Variants in NRG1 observed in about 807,000 individuals in gnomAD.
NRG1 encodes the protein pro-neuregulin-1, membrane-bound isoform.
In NRG1, 18 loss-of-function variants were observed where a neutral mutation model predicts 63.8. The ratio of observed to expected loss-of-function variants is 0.28; its 90% confidence interval spans 0.19 to 0.42. NRG1 has a LOEUF of 0.42. Among genes scored for constraint, NRG1 ranks in the 10% least tolerant of loss-of-function variants. The probability of loss-of-function intolerance (pLI) is 1.00; values close to 1 mark genes in which losing one functional copy is unlikely to be tolerated. For synonymous variants in NRG1, 302 were observed against 301.3 expected, an observed-to-expected ratio of 1.00 and a Z score of -0.02; for missense variants, 762 against 814.7, an observed-to-expected ratio of 0.94 and a Z score of 0.79.
At chr8:31,787,360 A>T (rs185541031) in intron 1 of NRG1, among the ~76,000 whole-genome samples, 16 of 152,254 alleles carry the variant, frequency 1.1e-4, no homozygotes, top group Non-Finnish European at 2.1e-4. Context: ...GATAGCAGGG[A>T]TTTAAATAAT....
upstream of NRG1, among the ~76,000 whole-genome samples, chr8:32,546,782 G>C (rs1833114069): frequency 6.6e-6 from 1 of 152,126 alleles, no homozygotes; most frequent in South Asian, 2.1e-4. Flanking sequence ...ACAGAGTTTC[G>C]TTCTTATGAC....
intron 1 of NRG1, among the ~76,000 whole-genome samples, chr8:32,282,528 A>G (rs1400613943): frequency 1.3e-5 from 2 of 152,138 alleles, no homozygotes; most frequent in Non-Finnish European, 2.9e-5. Flanking sequence ...AATTTTCTCT[A>G]ATTGCTTCCA....
intron 1 of NRG1, among the ~76,000 whole-genome samples, chr8:31,843,797 C>T (rs1586761875): frequency 6.6e-6 from 1 of 152,134 alleles, no homozygotes; most frequent in Non-Finnish European, 1.5e-5. Flanking sequence ...TCTACTACCA[C>T]TTGATGTGTG....
At chr8:31,664,991 A>G (rs1806378184) in intron 1 of NRG1, among the ~76,000 whole-genome samples, 1 of 152,224 alleles carries the variant, frequency 6.6e-6, no homozygotes, top group Admixed American at 6.5e-5. Flanking sequence ...TGATTTAAGA[A>G]TTCAGAGGAG....
intron 1 of NRG1, among the ~76,000 whole-genome samples, chr8:32,252,481 G>A (rs531218976): frequency 1.1e-4 from 17 of 152,210 alleles, no homozygotes; most frequent in African/African-American, 3.1e-4. Context: ...TTTTTGTCAG[G>A]TTTGTAAAAA....
In NRG1 at chr8:32,733,775, A is replaced by G. The variant is rs1824327891; in HGVS notation, c.632+5697A>G. Among the ~76,000 whole-genome samples, 3 of 152,242 alleles carry G rather than the reference A, an allele frequency of 2.0e-5. No individual in the cohort carries two copies. The South Asian group carries it at 6.2e-4, about 32-fold the overall frequency. On this transcript the variant is annotated intron_variant, in intron 6 of 11. Transcript: ENST00000356819. Reference sequence around the variant, plus strand: ...AATGAGTGAATATATGCCAAATGGTACAATGCTGACTATTAAGGTAATACA... The same window carrying G: ...AATGAGTGAATATATGCCAAATGGTGCAATGCTGACTATTAAGGTAATACA...
At chr8:32,449,273 G>A (rs1820670119) in intron 1 of NRG1, among the ~76,000 whole-genome samples, 1 of 151,634 alleles carries the variant, frequency 6.6e-6, no homozygotes, top group African/African-American at 2.4e-5. Flanking sequence ...CTCTAGCCTG[G>A]GCAACAGAGC....
chr8:31,708,197 C>T (rs893808943), intron 1 of NRG1, among the ~76,000 whole-genome samples: 1 of 152,144 alleles, frequency 6.6e-6, no homozygotes, highest in Non-Finnish European at 1.5e-5. Flanking sequence ...TGCCCATGTT[C>T]TTGCCATTGT....
In NRG1 at chr8:31,948,044, T is replaced by C. The variant is rs181891472; in HGVS notation, c.37+308613T>C. Among the ~76,000 whole-genome samples, 4 of 151,430 alleles carry C rather than the reference T, an allele frequency of 2.6e-5. No homozygotes were observed. In the East Asian group the frequency reaches 7.8e-4, roughly 29 times the overall value. Reference sequence around the variant, plus strand: ...AAATTACTATATATATTTATAAAGGTGTAGAAGATTTAACAACTGGAATGT... The same window carrying C: ...AAATTACTATATATATTTATAAAGGCGTAGAAGATTTAACAACTGGAATGT... On this transcript the variant is annotated intron_variant, in intron 1 of 10. Coordinates refer to the NRG1 transcript ENST00000519301.
intron 1 of NRG1, among the ~76,000 whole-genome samples, chr8:32,446,026 A>C (rs1301704672): frequency 6.6e-6 from 1 of 152,142 alleles, no homozygotes; most frequent in Non-Finnish European, 1.5e-5. Flanking sequence ...AGGAAACAAA[A>C]TCTCAAATAA....
At chr8:32,221,249 GC>G (rs1229931269) in intron 1 of NRG1, 1 of 152,058 alleles carries the variant, frequency 6.6e-6, no homozygotes, top group Non-Finnish European at 1.5e-5. Context: ...GAGATCTACA[GC>G]AATGCAATGT....
intron 1 of NRG1, among the ~76,000 whole-genome samples, chr8:32,509,584 G>A (rs1436808243): frequency 2.0e-5 from 3 of 152,130 alleles, no homozygotes; most frequent in East Asian, 3.9e-4. Context: ...AAAGGAGAGG[G>A]GGAAGAGTCA....
At chr8:32,236,463 G>T (rs1018848360) in intron 1 of NRG1, among the ~76,000 whole-genome samples, 2 of 152,098 alleles carry the variant, frequency 1.3e-5, no homozygotes, top group African/African-American at 2.4e-5. Context: ...TTGATGAGTA[G>T]TAGTATTACC....
intron 1 of NRG1, among the ~76,000 whole-genome samples, chr8:32,341,723 G>A (rs1804104388): frequency 6.6e-6 from 1 of 152,150 alleles, no homozygotes; most frequent in Admixed American, 6.5e-5. Context: ...AAACCAAGTT[G>A]TATCGTTGAA....
rs778668599 is a variant in NRG1, at chr8:32,605,670, C to T, written c.387C>T (p.Ile129=). 1.1e-5 allele frequency: 17 copies of T among 1,612,878 alleles called. No homozygotes were observed. The African/African-American group carries it at 1.5e-4, about 14-fold the overall frequency. The change falls in exon 3 of 12, where the codon ATC becomes ATT. Residue 129 remains isoleucine, a synonymous_variant. Transcript: ENST00000356819. ...ACAGTGCCTCTGCCAATATCACCATCGTGGAATCAAACGGTAAGAGATACC... is the reference window on the plus strand; with the variant it reads ...ACAGTGCCTCTGCCAATATCACCATTGTGGAATCAAACGGTAAGAGATACC...
rs544681937 is a variant in NRG1 at position 32,071,614 on chromosome 8, C to T, written c.37+432183C>T. Among the ~76,000 whole-genome samples the T allele has an allele frequency of 2.0e-5, 3 of 152,196 alleles. 1 individual carries two copies. The highest frequency in any genetic ancestry group is 7.2e-5 in the African/African-American group (3 of 41,536). ...TTCATTATTAGTATTCCCAATATGA[C>T]CGTGGAAATGTGGGCAGTGGGATGA... On this transcript the variant is annotated intron_variant, in intron 1 of 10. Coordinates refer to the NRG1 transcript ENST00000519301.
intron 6 of NRG1, among the ~76,000 whole-genome samples, chr8:32,735,897 A>C (rs1824924336): frequency 6.6e-6 from 1 of 152,160 alleles, no homozygotes; most frequent in South Asian, 2.1e-4. Flanking sequence ...AGGCAGGACA[A>C]GTTAGGTTTG....
intron 1 of NRG1, among the ~76,000 whole-genome samples, chr8:31,807,073 A>T (rs1275497868): frequency 1.3e-5 from 2 of 152,206 alleles, no homozygotes; most frequent in Admixed American, 1.3e-4. Flanking sequence ...TCACAATCTA[A>T]TTGTGTTAAA....
chr8:32,104,027 A>C (rs1417618334), intron 1 of NRG1, among the ~76,000 whole-genome samples: 1 of 152,196 alleles, frequency 6.6e-6, no homozygotes, highest in African/African-American at 2.4e-5. Flanking sequence ...CTGGATTCCA[A>C]ATATAGACAT....
Sources: gnomAD v4.1 joint callset for allele counts (sites outside exome capture counted in the v4.1 genomes callset) on GRCh38, gnomAD v4.1.1 for gene constraint, MANE v1.5 for transcripts, NCBI Gene and HGNC (gene_info 2026-07-23, HGNC 2026-07-21) for gene names.